Variants in CNBD1 observed in about 807,000 individuals in gnomAD.
The protein encoded by CNBD1 is cyclic nucleotide binding domain containing 1, also known as cyclic nucleotide-binding domain-containing protein 1.
CNBD1 carries 71 observed loss-of-function variants against 54.4 expected under a neutral mutation model. That is an observed-to-expected ratio of 1.30 (90% CI 1.08 to 1.59). The LOEUF (loss-of-function observed/expected upper bound fraction) is 1.59. CNBD1 is among the 40% of genes most tolerant of loss of function. The pLI is 0.00. For missense variants in CNBD1, 659 were observed against 518.0 expected, an observed-to-expected ratio of 1.27 and a Z score of -2.64; for synonymous variants, 182 against 170.7, an observed-to-expected ratio of 1.07 and a Z score of -0.51.
chr8:87,248,531 C>A (rs1295371972), intron 6 of CNBD1, among the ~76,000 whole-genome samples: 1 of 152,142 alleles, frequency 6.6e-6, no homozygotes, highest in Non-Finnish European at 1.5e-5. Context: ...AGAGGCTTGT[C>A]TTTTAATACA....
intron 4 of CNBD1, among the ~76,000 whole-genome samples, chr8:86,953,261 G>A (rs1807672783): frequency 6.6e-6 from 1 of 152,062 alleles, no homozygotes; most frequent in East Asian, 1.9e-4. Context: ...TAATTGGGTA[G>A]GAAAAACTTA....
At chr8:87,411,397 CA>C (rs1807739268) in intron 2 of CNBD1, among the ~76,000 whole-genome samples, 2,118 of 92,410 alleles carry the variant, frequency 0.023, 99 homozygotes, top group African/African-American at 0.082. Flanking sequence ...CTAGCTATAT[CA>C]TATATATATA....
intron 4 of CNBD1, among the ~76,000 whole-genome samples, chr8:87,119,535 A>G (rs1365770837): frequency 6.6e-6 from 1 of 152,022 alleles, no homozygotes; most frequent in African/African-American, 2.4e-5. Flanking sequence ...AAGTGGGACA[A>G]TTTGATGTCC....
intron 4 of CNBD1, among the ~76,000 whole-genome samples, chr8:87,109,322 G>A (rs900616254): frequency 6.6e-6 from 1 of 151,984 alleles, no homozygotes; most frequent in Non-Finnish European, 1.5e-5. Context: ...TTTGACATCA[G>A]TATTTATGCA....
intron 8 of CNBD1, among the ~76,000 whole-genome samples, chr8:87,312,650 A>T (rs960961294): frequency 6.6e-6 from 1 of 152,010 alleles, no homozygotes; most frequent in Non-Finnish European, 1.5e-5. Context: ...TGAGTAATTA[A>T]TTTTCCATAA....
intron 4 of CNBD1, among the ~76,000 whole-genome samples, chr8:87,118,690 A>G (rs1417753800): frequency 6.6e-6 from 1 of 152,178 alleles, no homozygotes; most frequent in Non-Finnish European, 1.5e-5. Context: ...GATCAAATGA[A>G]CGTTCGTTAT....
Position 87,163,015 on chromosome 8 carries a change from A to G in CNBD1, c.432-42978A>G, listed in dbSNP as rs542508283. ...TGGGGCCCAGCATTCCTGTCCTCCA[A>G]AAGATGTAGCTTTCAAAGCACCATT... On this transcript the variant is annotated intron_variant, in intron 4 of 10. Transcript: ENST00000518476. The surrounding 1 kb of genome is among the most constrained non-coding windows in gnomAD (Gnocchi z 4.5). Among the ~76,000 whole-genome samples the G allele has an allele frequency of 6.6e-6, 1 of 151,990 alleles. No individual in the cohort carries two copies. The highest frequency in any genetic ancestry group is 1.5e-5 in the Non-Finnish European group (1 of 67,964).
In CNBD1 at chr8:87,163,528, A is replaced by G. The variant is rs953704932; in HGVS notation, c.432-42465A>G. Among the ~76,000 whole-genome samples, 1 of 151,878 alleles carries G rather than the reference A, an allele frequency of 6.6e-6. No individual in the cohort carries two copies. Among genetic ancestry groups the G allele is most frequent in the South Asian group, 2.1e-4 (1 of 4,830 alleles). On this transcript the variant is annotated intron_variant, in intron 4 of 10. Transcript: ENST00000518476. The surrounding 1 kb of genome is among the most constrained non-coding windows in gnomAD (Gnocchi z 4.5). ...GTACAGTTTTCTTACCTCCTTGGTT[A>G]AATTTATTCCTAAGTATTTAAAATA...
At chr8:87,341,954 A>T (rs1255337285) in intron 8 of CNBD1, among the ~76,000 whole-genome samples, 1 of 152,178 alleles carries the variant, frequency 6.6e-6, no homozygotes, top group East Asian at 1.9e-4. Flanking sequence ...GAAGCCTCTT[A>T]ATGGATTTCT....
intron 4 of CNBD1, among the ~76,000 whole-genome samples, chr8:87,034,844 C>T (rs528270965): frequency 8.5e-5 from 13 of 152,138 alleles, no homozygotes; most frequent in African/African-American, 1.7e-4. Context: ...TCATGTTGTT[C>T]AAGGATCAAC....
chr8:87,094,583 C>T (rs1031008649), intron 4 of CNBD1, among the ~76,000 whole-genome samples: 1 of 151,990 alleles, frequency 6.6e-6, no homozygotes, highest in African/African-American at 2.4e-5. Context: ...ACTTTCAAAC[C>T]CATCTTGCCC....
intron 4 of CNBD1, among the ~76,000 whole-genome samples, chr8:87,114,877 T>C (rs1811738413): frequency 6.6e-6 from 1 of 152,224 alleles, no homozygotes; most frequent in Non-Finnish European, 1.5e-5. Flanking sequence ...ATCAGGGGCA[T>C]GATTCCTATT....
rs1169399616 is a variant in CNBD1 at position 86,884,173 on chromosome 8, AAAC to A, written c.89-3366_89-3364del. ...TCTCAAAACAAAACAAAACAAAACA[AAAC>A]AAAAAAACCTTGCCCCTTTCCGTTT... On this transcript the variant is annotated intron_variant, in intron 1 of 10. Coordinates refer to ENST00000518476, the MANE Select transcript of CNBD1 (RefSeq NM_173538.3). Among the ~76,000 whole-genome samples, 1,093 of 151,440 alleles carry A rather than the reference AAAC, an allele frequency of 7.2e-3. 22 individuals are homozygous for A. Among genetic ancestry groups the A allele is most frequent in the African/African-American group, 0.025 (1,013 of 41,224 alleles).
rs1251811143 is a variant in CNBD1 at position 87,417,153 on chromosome 8, G to A, written c.214-11393G>A. 1.3e-5 allele frequency among the ~76,000 whole-genome samples: 2 copies of A among 151,958 alleles called. 1 individual carries two copies. Among genetic ancestry groups the A allele is most frequent in the South Asian group, 4.2e-4 (2 of 4,814 alleles). On this transcript the variant is annotated intron_variant, in intron 2 of 7. Coordinates refer to the CNBD1 transcript ENST00000521593. The stretch of plus-strand genomic sequence containing the variant: ...TTAATGGACTCACAGTTTCCACATG[G>A]CTGGGGAGGCCTCATAATCAAGGTG...
intron 4 of CNBD1, among the ~76,000 whole-genome samples, chr8:87,006,209 G>A (rs1160330659): frequency 7.9e-5 from 12 of 151,924 alleles, no homozygotes; most frequent in Admixed American, 7.9e-4. Flanking sequence ...TAAATCGGGG[G>A]AAAAAAGTGT....
At chr8:87,229,782 A>C (rs1263910318) in intron 5 of CNBD1, among the ~76,000 whole-genome samples, 1 of 152,158 alleles carries the variant, frequency 6.6e-6, no homozygotes, top group Non-Finnish European at 1.5e-5. Flanking sequence ...ATATGTCTGA[A>C]ATTAAAAAAA....
chr8:87,190,438 T>A (rs1169879179), intron 4 of CNBD1, among the ~76,000 whole-genome samples: 1 of 152,204 alleles, frequency 6.6e-6, no homozygotes, highest in Non-Finnish European at 1.5e-5. Context: ...TGCCATCTGA[T>A]TCAAGCTCAT....
intron 10 of CNBD1, among the ~76,000 whole-genome samples, chr8:87,373,863 CCTGTA>C (rs768382817): frequency 1.1e-3 from 167 of 151,786 alleles, no homozygotes; most frequent in South Asian, 3.5e-3. Flanking sequence ...CAAGTCTATG[CCTGTA>C]CAAATGTAAT....
At chr8:87,037,310 C>T (rs1809970466) in intron 4 of CNBD1, among the ~76,000 whole-genome samples, 1 of 151,940 alleles carries the variant, frequency 6.6e-6, no homozygotes, top group South Asian at 2.1e-4. Flanking sequence ...CAGTGATATA[C>T]TTCTATATAA....
Sources: allele counts gnomAD v4.1 joint callset (sites outside exome capture counted in the v4.1 genomes callset), GRCh38; gene constraint gnomAD v4.1.1; non-coding constraint Gnocchi (gnomAD v3.1); transcripts MANE v1.5; gene names NCBI Gene and HGNC (gene_info 2026-07-23, HGNC 2026-07-21).